INO80: variants seen among roughly 807,000 people sequenced by gnomAD.
The protein encoded by INO80 is INO80 complex ATPase subunit.
Under a neutral mutation model 203.4 loss-of-function variants are expected in INO80, and 20 were observed. The ratio of observed to expected loss-of-function variants is 0.10; its 90% CI spans 0.07 to 0.14. The LOEUF (loss-of-function observed/expected upper bound fraction) is 0.14. Ranked by LOEUF, INO80 falls within the 10% of genes least tolerant of loss-of-function variation. The pLI is 1.00. For missense variants in INO80, 1,419 were observed against 1,914.4 expected, an observed-to-expected ratio of 0.74 and a Z score of 4.83; for synonymous variants, 726 against 685.2, an observed-to-expected ratio of 1.06 and a Z score of -0.93.
intron 18 of INO80, among the ~76,000 whole-genome samples, chr15:41,054,289 A>C (rs906673136): frequency 1.3e-5 from 2 of 152,188 alleles, no homozygotes; most frequent in Admixed American, 1.3e-4. Context: ...ATAGGGTTGT[A>C]AGTATAAGAA....
At chr15:41,078,205 A>G (rs536069085) in intron 9 of INO80, among the ~76,000 whole-genome samples, 1 of 152,108 alleles carries the variant, frequency 6.6e-6, no homozygotes, top group Admixed American at 6.6e-5. Context: ...GCCAAGAATA[A>G]TATCTTTAAC....
chr15:41,064,920 C>A (rs1048739862), intron 14 of INO80, among the ~76,000 whole-genome samples: 1 of 151,892 alleles, frequency 6.6e-6, no homozygotes, highest in African/African-American at 2.4e-5. Flanking sequence ...CTGCTTGAAC[C>A]CGGAGGAGGC....
At chr15:40,986,316 C>CTTTTTTTT (rs551165963) in intron 31 of INO80, among the ~76,000 whole-genome samples, 20 of 90,724 alleles carry the variant, frequency 2.2e-4, no homozygotes, top group Non-Finnish European at 3.8e-4. Flanking sequence ...CTCCACAATG[C>CTTTTTTTT]TTTTTTTTTT....
chr15:41,063,684 T>C (rs894493767), intron 14 of INO80, among the ~76,000 whole-genome samples: 3 of 151,982 alleles, frequency 2.0e-5, no homozygotes, highest in African/African-American at 7.2e-5. Context: ...TGAGACAGAA[T>C]TGCTTGAACC....
Position 41,059,882 on chromosome 15 carries a change from T to C in INO80, c.1827A>G (p.Arg609=). ...WGNPHDRKVI[R]RFWSQKTLYT... ...AGAATGTTACCTGACTCCAGAACCT[T>C]CTGATGACTTTTCTATCATGAGGAT... The change falls in exon 15 of 36, where the codon AGA becomes AGG. Residue 609 remains arginine, a synonymous_variant. Coordinates refer to ENST00000648947, the MANE Select transcript of INO80 (RefSeq NM_017553.3). 1 of 1,611,590 alleles carries C rather than the reference T, an allele frequency of 6.2e-7. No individual in the cohort carries two copies. The highest frequency in any genetic ancestry group is 1.1e-5 in the South Asian group (1 of 90,888).
At chr15:41,114,127 T>C (rs1429459225) in intron 1 of INO80, among the ~76,000 whole-genome samples, 2 of 151,114 alleles carry the variant, frequency 1.3e-5, no homozygotes, top group Non-Finnish European at 2.9e-5. Context: ...ATTAGCTGGG[T>C]GTGGTGGCGG....
At chr15:41,009,658 G>C (rs577032042) in intron 27 of INO80, among the ~76,000 whole-genome samples, 1 of 152,030 alleles carries the variant, frequency 6.6e-6, no homozygotes, top group South Asian at 2.1e-4. Flanking sequence ...AGTTTTCTTG[G>C]ATCACTGCAG....
intron 1 of INO80, among the ~76,000 whole-genome samples, chr15:41,113,948 G>A (rs893418651): frequency 6.6e-6 from 1 of 152,178 alleles, no homozygotes; most frequent in Admixed American, 6.5e-5. Flanking sequence ...AACACAGTAA[G>A]CTAAAATGAT....
At position 41,047,475 on chromosome 15, in the gene INO80, A is replaced by G; in HGVS notation, c.2668T>C (p.Phe890Leu). 6.2e-7 allele frequency: 1 copy of G among 1,612,060 alleles called. No individual in the cohort carries two copies. Among genetic ancestry groups the G allele is most frequent in the Non-Finnish European group, 8.5e-7 (1 of 1,179,072 alleles). ...GGAGATATATCAATAAAGCGAAGGAAAGAGAAACAGCTTTCTTCATTAATA... is the reference window on the plus strand; with the variant it reads ...GGAGATATATCAATAAAGCGAAGGAGAGAGAAACAGCTTTCTTCATTAATA... ...KGINEESCFS[F>L]LRFIDISPAE... Residue 890 changes from phenylalanine (F) to leucine (L), a missense_variant, in exon 23 of 36, where the codon TTC (phenylalanine) becomes CTC (leucine). Around this residue, in one of 9 missense-constraint regions of INO80, gnomAD observed 302 missense variants for 345.4 expected, o/e 0.87. Coordinates refer to ENST00000648947, the MANE Select transcript of INO80 (RefSeq NM_017553.3).
chr15:41,026,198 AAAT>A (rs776825320), intron 25 of INO80, among the ~76,000 whole-genome samples: 2 of 152,186 alleles, frequency 1.3e-5, no homozygotes, highest in Non-Finnish European at 2.9e-5. Flanking sequence ...AGCTGATAAA[AAAT>A]AATGGTAGAA....
chr15:41,060,346 T>C (rs1200664408), intron 14 of INO80, among the ~76,000 whole-genome samples: 1 of 152,014 alleles, frequency 6.6e-6, no homozygotes, highest in African/African-American at 2.4e-5. Context: ...CCCAGCACTT[T>C]GGGAGGTCGA....
chr15:41,042,844 T>C (rs905057494), intron 24 of INO80, among the ~76,000 whole-genome samples: 2 of 152,172 alleles, frequency 1.3e-5, no homozygotes, highest in South Asian at 2.1e-4. Context: ...TATTTCAATA[T>C]ACATACATAT....
intron 24 of INO80, among the ~76,000 whole-genome samples, chr15:41,039,934 T>C (rs1011380697): frequency 2.0e-5 from 3 of 152,132 alleles, no homozygotes; most frequent in Non-Finnish European, 2.9e-5. Context: ...TAAAACAAAA[T>C]AGCATACAGA....
intron 1 of INO80, among the ~76,000 whole-genome samples, chr15:41,109,925 C>A (rs1359477152): frequency 6.7e-6 from 1 of 149,196 alleles, no homozygotes; most frequent in East Asian, 2.0e-4. Context: ...GAGCGAGACT[C>A]CACCTCAAAA....
intron 5 of INO80, among the ~76,000 whole-genome samples, chr15:41,091,211 A>G (rs1276964268): frequency 6.6e-6 from 1 of 152,124 alleles, no homozygotes; most frequent in Non-Finnish European, 1.5e-5. Flanking sequence ...GGCGTGAGTC[A>G]CTGCGCCCAG....
At chr15:41,075,861 G>A (rs1293748110) in intron 9 of INO80, among the ~76,000 whole-genome samples, 2 of 152,078 alleles carry the variant, frequency 1.3e-5, no homozygotes, top group African/African-American at 4.8e-5. Context: ...ACAAAGTGCT[G>A]GGATTATAGG....
intron 14 of INO80, among the ~76,000 whole-genome samples, chr15:41,066,809 C>A (rs967970346): frequency 1.1e-5 from 1 of 91,740 alleles, no homozygotes; most frequent in Non-Finnish European, 2.0e-5. Flanking sequence ...CCTTGGGAGA[C>A]AGAAGGAGAA....
At chr15:40,992,864 C>T (rs1183398621) in intron 29 of INO80, among the ~76,000 whole-genome samples, 1 of 152,186 alleles carries the variant, frequency 6.6e-6, no homozygotes, top group East Asian at 1.9e-4. Context: ...ACAATCACAG[C>T]TCACTGCAGT....
At chr15:41,011,441 A>G (rs2044131708) in intron 27 of INO80, among the ~76,000 whole-genome samples, 1 of 152,242 alleles carries the variant, frequency 6.6e-6, no homozygotes, top group Non-Finnish European at 1.5e-5. Flanking sequence ...CCTAGCATTA[A>G]TGCCTTGCTC....
Sources: gnomAD v4.1 joint callset for allele counts (sites outside exome capture counted in the v4.1 genomes callset) on GRCh38, gnomAD v4.1.1 for gene constraint, gnomAD v4.1.1 regional missense constraint, MANE v1.5 for transcripts, NCBI Gene and HGNC (gene_info 2026-07-23, HGNC 2026-07-21) for gene names.